The following FRMD4B variants were observed in gnomAD, a reference collection of about 807,000 sequenced individuals.
FRMD4B encodes FERM domain containing 4B.
FRMD4B carries 74 observed loss-of-function variants against 141.5 expected under a neutral mutation model. That is an observed-to-expected ratio of 0.52 (90% CI 0.43 to 0.63). The LOEUF is 0.63. FRMD4B is among the 30% of genes least tolerant of loss of function. The probability of loss-of-function intolerance (pLI) is 0.00; values close to 1 mark genes in which losing one functional copy is unlikely to be tolerated. For synonymous variants in FRMD4B, 506 were observed against 467.9 expected (o/e 1.08, Z -1.05); for missense variants, 1,366 against 1,253.4 (o/e 1.09, Z -1.36).
intron 2 of FRMD4B, among the ~76,000 whole-genome samples, chr3:69,428,137 T>G (rs952423875): frequency 1.3e-5 from 2 of 151,912 alleles, no homozygotes; most frequent in African/African-American, 4.8e-5. Context: ...TAGATGACTC[T>G]TCTAATACAG....
At chr3:69,261,318 G>T (rs1559759809) in intron 5 of FRMD4B, among the ~76,000 whole-genome samples, 1 of 152,098 alleles carries the variant, frequency 6.6e-6, no homozygotes, top group Non-Finnish European at 1.5e-5. Flanking sequence ...TTATCACGAG[G>T]GTCCACGGCT....
intron 1 of FRMD4B, among the ~76,000 whole-genome samples, chr3:69,535,031 A>G (rs183741201): frequency 2.6e-5 from 4 of 152,330 alleles, no homozygotes; most frequent in Admixed American, 1.3e-4. Flanking sequence ...TACATGAAAC[A>G]CTTCTTTATA....
At chr3:69,220,966 C>CTTTT (rs113009670) in intron 9 of FRMD4B, among the ~76,000 whole-genome samples, 1 of 145,272 alleles carries the variant, frequency 6.9e-6, no homozygotes, top group Non-Finnish European at 1.5e-5. Context: ...AGTGTAGCAA[C>CTTTT]TTTTTTTTTT....
intron 9 of FRMD4B, among the ~76,000 whole-genome samples, chr3:69,221,094 C>G (rs2093189986): frequency 6.6e-6 from 1 of 151,972 alleles, no homozygotes; most frequent in South Asian, 2.1e-4. Context: ...TCTCGAGTAG[C>G]TGGGATTACA....
At chr3:69,508,417 AGGAC>A (rs1198441886) in intron 1 of FRMD4B, among the ~76,000 whole-genome samples, 1 of 152,160 alleles carries the variant, frequency 6.6e-6, no homozygotes, top group African/African-American at 2.4e-5. Context: ...AATTTCCTTG[AGGAC>A]AAATTACTGT....
chr3:69,367,519 A>C (rs1010644571), intron 1 of FRMD4B, among the ~76,000 whole-genome samples: 1 of 30,194 alleles, frequency 3.3e-5, no homozygotes, highest in African/African-American at 6.1e-5. Flanking sequence ...TTTTACCCAA[A>C]AAATATATCA....
At chr3:69,364,640 G>T (rs559504835) in intron 1 of FRMD4B, among the ~76,000 whole-genome samples, 1 of 152,136 alleles carries the variant, frequency 6.6e-6, no homozygotes, top group South Asian at 2.1e-4. Context: ...ATCATCTCCT[G>T]AGTAATCAGT....
chr3:69,182,475 A>C, intron 20 of FRMD4B, 123 bp downstream of exon 20: 1 of 876,826 alleles, frequency 1.1e-6, no homozygotes, highest in Non-Finnish European at 1.7e-6. Flanking sequence ...GAAAATGTAA[A>C]ACCATAAAAC....
chr3:69,349,225 T>C (rs1338204768), intron 1 of FRMD4B, among the ~76,000 whole-genome samples: 3 of 152,184 alleles, frequency 2.0e-5, no homozygotes, highest in Non-Finnish European at 2.9e-5. Context: ...CATTCACAAT[T>C]GCTTCAAAGG....
rs56715561 is a variant in FRMD4B at position 69,456,866 on chromosome 3, TC to T, written c.-128-24106del. Among the ~76,000 whole-genome samples, 1,467 of 152,296 alleles carry T rather than the reference TC, an allele frequency of 9.6e-3. 17 individuals are homozygous for T. The highest frequency in any genetic ancestry group is 0.034 in the African/African-American group (1,394 of 41,558). On this transcript the variant is annotated intron_variant, in intron 1 of 5. Coordinates refer to the FRMD4B transcript ENST00000459638. ...GCCACACTCTTTCTTTTACATGTTGTCTATGGCTGCTTTCATACTAAAATGG... is the reference window on the plus strand; with the variant it reads ...GCCACACTCTTTCTTTTACATGTTGTTATGGCTGCTTTCATACTAAAATGG...
intron 1 of FRMD4B, among the ~76,000 whole-genome samples, chr3:69,337,575 T>C (rs1194954493): frequency 2.6e-5 from 4 of 152,030 alleles, no homozygotes; most frequent in African/African-American, 9.7e-5. Flanking sequence ...AGGGCTAATA[T>C]CCAGAGTCTA....
chr3:69,357,406 C>T (rs190327209), intron 1 of FRMD4B, among the ~76,000 whole-genome samples: 92 of 152,342 alleles, frequency 6.0e-4, no homozygotes, highest in Non-Finnish European at 1.1e-3. Flanking sequence ...GAAAATGAAA[C>T]TATATCCTGG....
chr3:69,278,864 G>A (rs756508083), intron 5 of FRMD4B, among the ~76,000 whole-genome samples: 4 of 152,120 alleles, frequency 2.6e-5, no homozygotes, highest in Non-Finnish European at 4.4e-5. Context: ...GCTGGGATTA[G>A]AAGCATGAGC....
intron 1 of FRMD4B, among the ~76,000 whole-genome samples, chr3:69,476,632 T>G (rs1706005086): frequency 6.6e-6 from 1 of 152,224 alleles, no homozygotes; most frequent in Admixed American, 6.5e-5. Flanking sequence ...TGAAGTCAGG[T>G]AGCGTGATGC....
At chr3:69,388,413 A>G (rs1024291264), upstream of FRMD4B, among the ~76,000 whole-genome samples, 12 of 152,188 alleles carry the variant, frequency 7.9e-5, no homozygotes, top group African/African-American at 2.9e-4. Flanking sequence ...TAGAGATGCA[A>G]GCTCTCAGGC....
At chr3:69,402,483 G>C (rs1171673030) in intron 2 of FRMD4B, among the ~76,000 whole-genome samples, 1 of 152,078 alleles carries the variant, frequency 6.6e-6, no homozygotes, top group Non-Finnish European at 1.5e-5. Flanking sequence ...TTAATGTGTG[G>C]GTTCTCTCTT....
intron 1 of FRMD4B, among the ~76,000 whole-genome samples, chr3:69,438,049 T>C (rs1005092756): frequency 1.4e-5 from 2 of 143,722 alleles, no homozygotes; most frequent in South Asian, 4.3e-4. Context: ...TATATACTAC[T>C]ATATGATATA....
At position 69,410,726 on chromosome 3, in the gene FRMD4B, AATATATATATATAT is replaced by A. The variant is rs767608068; in HGVS notation, c.-1+21894_-1+21907del. On this transcript the variant is annotated intron_variant, in intron 2 of 5. Coordinates refer to the FRMD4B transcript ENST00000459638. ...AAATATATAAATAAATAAATAAATA[AATATATATATATAT>A]ATATATATATATATATATATATATA... Among the ~76,000 whole-genome samples the A allele has an allele frequency of 5.5e-3, 476 of 86,236 alleles. 1 individual carries two copies. The highest frequency in any genetic ancestry group is 9.1e-3 in the African/African-American group (221 of 24,190). The allele number at this position is 86,236 out of a possible 152,430, so 56.6% of individuals were successfully genotyped here.
At chr3:69,267,677 AGAGAGAGAGAGAGT>A (rs1377999778) in intron 5 of FRMD4B, among the ~76,000 whole-genome samples, 30 of 57,720 alleles carry the variant, frequency 5.2e-4, no homozygotes, top group African/African-American at 1.1e-3. Flanking sequence ...AGAGAGAGAG[AGAGAGAGAGAGAGT>A]GTCTGTCTGT....
Sources: allele counts gnomAD v4.1 joint callset (sites outside exome capture counted in the v4.1 genomes callset), GRCh38; gene constraint gnomAD v4.1.1; transcripts MANE v1.5; gene names NCBI Gene and HGNC (gene_info 2026-07-23, HGNC 2026-07-21).